STT3A: variants seen among roughly 807,000 people sequenced by gnomAD.
STT3A encodes dolichyl-diphosphooligosaccharide--protein glycosyltransferase subunit STT3A.
A neutral mutation model predicts 89.2 loss-of-function variants in STT3A; 34 were observed. The ratio of observed to expected loss-of-function variants is 0.38; its 90% CI spans 0.29 to 0.51. STT3A has a LOEUF of 0.51. STT3A is among the 20% of genes least tolerant of loss of function. The probability of loss-of-function intolerance (pLI) is 0.89; values close to 1 mark genes in which losing one functional copy is unlikely to be tolerated. For missense variants in STT3A, 555 were observed against 889.5 expected (o/e 0.62, Z 4.78); for synonymous variants, 282 against 310.3 (o/e 0.91, Z 0.96).
Position 125,613,260 on chromosome 11 carries a change from A to T in STT3A, c.1554+83A>T. On this transcript the variant is annotated intron_variant, in intron 13 of 17. Transcript: ENST00000392708. This position sits in a 1 kb window ranked among gnomAD's most constrained non-coding sequence, Gnocchi z 4.2. ...TGTTACAGTGAATCATACAGCTTTT[A>T]GATGGGTGGAAAGCTGGGTGAAACT... 6.8e-7 allele frequency: 1 copy of T among 1,475,364 alleles called. No homozygotes were observed. Among genetic ancestry groups the T allele is most frequent in the South Asian group, 1.2e-5 (1 of 80,076 alleles). The allele number at this position is 1,475,364 out of a possible 1,614,324, so 91.4% of individuals were successfully genotyped here.
chr11:125,599,486 A>T (rs1169653053), intron 3 of STT3A, among the ~76,000 whole-genome samples: 1 of 152,062 alleles, frequency 6.6e-6, no homozygotes, highest in Non-Finnish European at 1.5e-5. Context: ...GTTATGGCTC[A>T]TGCAGCCTCA....
intron 15 of STT3A, among the ~76,000 whole-genome samples, chr11:125,617,117 C>T (rs750919996): frequency 4.6e-5 from 7 of 152,014 alleles, no homozygotes; most frequent in Admixed American, 6.6e-5. Flanking sequence ...CTGTTTCTGG[C>T]GCTATGATCT....
intron 10 of STT3A, 36 bp from the exon 11 acceptor site, chr11:125,611,392 G>T: frequency 6.4e-7 from 1 of 1,556,776 alleles, no homozygotes; most frequent in Non-Finnish European, 8.9e-7. Flanking sequence ...CAACCTACAG[G>T]ACTCAGCTGC....
rs771623911 is a variant in STT3A, at chr11:125,595,885, T to A, written c.-31T>A. 3 of 1,456,928 alleles carry A rather than the reference T, an allele frequency of 2.1e-6. No homozygotes were observed. Among genetic ancestry groups the A allele is most frequent in the Admixed American group, 1.7e-5 (1 of 57,564 alleles). The allele number at this position is 1,456,928 out of a possible 1,614,324, so 90.3% of individuals were successfully genotyped here. A position where few individuals can be genotyped will look rare whatever the true frequency, so the allele number is the denominator to read the frequency against. ...GTCTTGACTTTTTCATTTTAGCTGA[T>A]CGTCGTGTGTTGCCACCCATTCATG... is the stretch of plus-strand genomic sequence containing the variant. On this transcript the variant is annotated 5_prime_UTR_variant, in exon 2 of 18. Coordinates refer to ENST00000392708, the MANE Select transcript of STT3A (RefSeq NM_152713.5).
chr11:125,614,538 A>T lies in STT3A; in HGVS notation c.1774+112A>T. On this transcript the variant is annotated intron_variant, in intron 15 of 17. Transcript: ENST00000392708. This position sits in a 1 kb window ranked among gnomAD's most constrained non-coding sequence, Gnocchi z 4.9. ...TATTTTACTAAGATATTTTTCTTTC[A>T]TGGGAAGTTCCTAAGTATTTGCAAC... 2.7e-6 allele frequency: 3 copies of T among 1,102,896 alleles called. 1 individual carries two copies. The South Asian group carries it at 4.6e-5, about 17-fold the overall frequency. The allele number at this position is 1,102,896 out of a possible 1,614,324, so 68.3% of individuals were successfully genotyped here.
At chr11:125,616,453 T>C (rs185372425) in intron 15 of STT3A, among the ~76,000 whole-genome samples, 170 of 152,382 alleles carry the variant, frequency 1.1e-3, no homozygotes, top group Admixed American at 1.8e-3. Context: ...GTTGAATTTA[T>C]GGATGTCAAA....
chr11:125,592,459 A>G, upstream of STT3A: 1 of 456,280 alleles, frequency 2.2e-6, no homozygotes. Flanking sequence ...ATTCCGAGTT[A>G]CTGGGACTTG....
chr11:125,613,081 G>A lies in STT3A; in HGVS notation c.1458G>A (p.Pro486=), dbSNP rs113134656. The A allele has an allele frequency of 4.8e-5, 78 of 1,614,040 alleles. 1 individual carries two copies. The highest frequency in any genetic ancestry group is 3.3e-4 in the Middle Eastern group (2 of 6,062). ...TGACCAGTGAGGCCTACTCTTCTCC[G>A]TCCATTGTACTATCTGCCCGTGGTG... is the stretch of plus-strand genomic sequence containing the variant. ...TWVTSEAYSS[P]SIVLSARGGD... The change falls in exon 13 of 18, where the codon CCG becomes CCA. Residue 486 remains proline, a synonymous_variant. Coordinates refer to ENST00000392708, the MANE Select transcript of STT3A (RefSeq NM_152713.5). The surrounding 1 kb of genome is among the most constrained non-coding windows in gnomAD (Gnocchi z 4.2).
chr11:125,622,150 CT>C lies in STT3A; in HGVS notation c.*1341del. On this transcript the variant is annotated 3_prime_UTR_variant, in exon 18 of 18. Coordinates refer to ENST00000392708, the MANE Select transcript of STT3A (RefSeq NM_152713.5). ...ACCCTAAGGCGTTAATAAAAGCTAA[CT>C]GTTTAGTGTTATCCATTTAAGGGAA... is the stretch of plus-strand genomic sequence containing the variant. 1 of 152,160 alleles carries C rather than the reference CT, an allele frequency of 6.6e-6. No individual in the cohort carries two copies. The highest frequency in any genetic ancestry group is 1.9e-4 in the East Asian group (1 of 5,194). 9.4% of individuals were successfully genotyped at this position (152,160 alleles called of 1,614,324 possible).
At chr11:125,599,333 T>C (rs1256189059) in intron 3 of STT3A, among the ~76,000 whole-genome samples, 4 of 152,162 alleles carry the variant, frequency 2.6e-5, no homozygotes, top group African/African-American at 9.7e-5. Context: ...GTTAGAGAGG[T>C]GGGCAGAGAG....
At chr11:125,605,920 C>T (rs541978850) in intron 7 of STT3A, among the ~76,000 whole-genome samples, 185 bp downstream of exon 7, 7 of 152,234 alleles carry the variant, frequency 4.6e-5, no homozygotes, top group Middle Eastern at 3.4e-3. Context: ...CACTTGCTCA[C>T]ATATCCCTAA....
intron 3 of STT3A, among the ~76,000 whole-genome samples, chr11:125,600,017 C>T (rs907889866): frequency 6.6e-6 from 1 of 151,668 alleles, no homozygotes; most frequent in Admixed American, 6.6e-5. Flanking sequence ...GCATTAACTA[C>T]TACGCCGGCC....
intron 15 of STT3A, among the ~76,000 whole-genome samples, chr11:125,618,046 C>T (rs1940231218): frequency 6.6e-6 from 1 of 152,172 alleles, no homozygotes; most frequent in African/African-American, 2.4e-5. Flanking sequence ...GGACTAGCCA[C>T]ATTTCAGCTG....
At chr11:125,609,278 A>G in intron 9 of STT3A, 156 bp from the exon 10 acceptor site, 2 of 822,960 alleles carry the variant, frequency 2.4e-6, no homozygotes. Context: ...AAAGAAAGGA[A>G]GGAGTGAAAC....
intron 10 of STT3A, 157 bp from the exon 11 acceptor site, chr11:125,611,271 T>C (rs1940007060): frequency 3.3e-6 from 2 of 604,756 alleles, no homozygotes; most frequent in Non-Finnish European, 5.8e-6. Flanking sequence ...TAAACATCTT[T>C]GCATGTTTCT....
chr11:125,612,468 T>G (rs1940056145), intron 11 of STT3A, 124 bp from the exon 12 acceptor site: 4 of 1,108,174 alleles, frequency 3.6e-6, no homozygotes, highest in Non-Finnish European at 5.0e-6. Context: ...TATTTTCTCT[T>G]TCACTTTTTG....
In STT3A at chr11:125,614,920, A is replaced by G. The variant is rs1940132967; in HGVS notation, c.1774+494A>G. Among the ~76,000 whole-genome samples the G allele has an allele frequency of 6.6e-6, 1 of 152,110 alleles. No homozygotes were observed. Among genetic ancestry groups the G allele is most frequent in the Non-Finnish European group, 1.5e-5 (1 of 68,026 alleles). On this transcript the variant is annotated intron_variant, in intron 15 of 17. Transcript: ENST00000392708. This position sits in a 1 kb window ranked among gnomAD's most constrained non-coding sequence, Gnocchi z 4.9. ...ATTGGCACAAAGATTTTTAGAAGAA[A>G]CATCCAAATATAGTTATCTGCCTTA...
chr11:125,606,787 C>T (rs1457241192), intron 8 of STT3A, among the ~76,000 whole-genome samples: 1 of 152,078 alleles, frequency 6.6e-6, no homozygotes, highest in East Asian at 1.9e-4. Flanking sequence ...GCAGATGACC[C>T]CATGTAGTAG....
chr11:125,608,527 T>C, intron 9 of STT3A: 1 of 351,870 alleles, frequency 2.8e-6, no homozygotes, highest in Non-Finnish European at 5.2e-6. Context: ...GGTTTCTCCA[T>C]GTTTGTCAGG....
Sources: allele counts gnomAD v4.1 joint callset (sites outside exome capture counted in the v4.1 genomes callset), GRCh38; gene constraint gnomAD v4.1.1; non-coding constraint Gnocchi (gnomAD v3.1); transcripts MANE v1.5; gene names NCBI Gene and HGNC (gene_info 2026-07-23, HGNC 2026-07-21).